SLCO2A1: variants seen among roughly 807,000 people sequenced by gnomAD.
The protein encoded by SLCO2A1 is solute carrier organic anion transporter family member 2A1.
Under a neutral mutation model 71.7 loss-of-function variants are expected in SLCO2A1, and 60 were observed. That is an observed-to-expected ratio of 0.84 (90% CI 0.68 to 1.04). The LOEUF (loss-of-function observed/expected upper bound fraction) is 1.04. Among genes scored for constraint, SLCO2A1 ranks in the 50% least tolerant of loss-of-function variants. SLCO2A1 has a pLI of 0.00. For synonymous variants in SLCO2A1, 308 were observed against 326.7 expected (o/e 0.94, Z 0.62); for missense variants, 745 against 813.4 (o/e 0.92, Z 1.02).
At chr3:133,987,197 C>T (rs1284324483) in intron 1 of SLCO2A1, among the ~76,000 whole-genome samples, 1 of 141,192 alleles carries the variant, frequency 7.1e-6, no homozygotes, top group East Asian at 2.4e-4. Flanking sequence ...TCCTCCTCAG[C>T]CAGAGTACTC....
chr3:133,996,418 G>A (rs529918734), intron 1 of SLCO2A1, among the ~76,000 whole-genome samples: 3 of 152,338 alleles, frequency 2.0e-5, no homozygotes, highest in South Asian at 4.1e-4. Flanking sequence ...AAGGTAGGAC[G>A]GACGTGCATG....
intron 13 of SLCO2A1, among the ~76,000 whole-genome samples, chr3:133,935,560 G>A (rs183813404): frequency 6.1e-4 from 93 of 152,270 alleles, no homozygotes; most frequent in Admixed American, 3.1e-3. Context: ...AAGGGCTTTC[G>A]GGTCATGGAA....
intron 1 of SLCO2A1, among the ~76,000 whole-genome samples, chr3:134,013,687 T>C (rs1016720136): frequency 2.6e-5 from 4 of 152,086 alleles, no homozygotes; most frequent in Non-Finnish European, 5.9e-5. Flanking sequence ...CACCTGGGAG[T>C]CCATATCTGG....
intron 1 of SLCO2A1, among the ~76,000 whole-genome samples, 169 bp downstream of exon 1, chr3:134,029,538 T>A (rs965503847): frequency 6.0e-5 from 9 of 149,198 alleles, no homozygotes; most frequent in Non-Finnish European, 1.2e-4. Flanking sequence ...ACACACACAC[T>A]CGCACACACA....
At chr3:133,956,943 T>C (rs1415848596) in intron 3 of SLCO2A1, among the ~76,000 whole-genome samples, 1 of 152,258 alleles carries the variant, frequency 6.6e-6, no homozygotes, top group Non-Finnish European at 1.5e-5. Context: ...TTGTCTGGAA[T>C]GAACACATTT....
intron 1 of SLCO2A1, among the ~76,000 whole-genome samples, chr3:133,981,231 T>A (rs1410545581): frequency 3.3e-5 from 5 of 152,094 alleles, no homozygotes; most frequent in African/African-American, 1.2e-4. Flanking sequence ...AAGGGTCCTG[T>A]CTCTGTCTAG....
chr3:133,989,158 C>T (rs1448115578), intron 1 of SLCO2A1, among the ~76,000 whole-genome samples: 1 of 152,182 alleles, frequency 6.6e-6, no homozygotes, highest in African/African-American at 2.4e-5. Flanking sequence ...CAAGCCAAAT[C>T]CTTCATCCAG....
Position 133,989,768 on chromosome 3 carries a change from T to G in SLCO2A1, c.97-10150A>C, listed in dbSNP as rs138332362. Among the ~76,000 whole-genome samples the G allele has an allele frequency of 3.9e-3, 599 of 152,342 alleles. 7 individuals carry two copies. The highest frequency in any genetic ancestry group is 0.014 in the African/African-American group (581 of 41,588). On this transcript the variant is annotated intron_variant, in intron 1 of 13. Transcript: ENST00000310926. ...ATGACATCCACACATCTCAAAATAA[T>G]ACACTTGTTCTGCAGTTTCTTGACT...
At chr3:133,960,114 C>T (rs955421406) in intron 3 of SLCO2A1, among the ~76,000 whole-genome samples, 17 of 144,880 alleles carry the variant, frequency 1.2e-4, no homozygotes, top group African/African-American at 2.7e-4. Context: ...AGCGAGACTC[C>T]GTCTCAAAAA....
chr3:133,987,740 G>T (rs1289519011), intron 1 of SLCO2A1, among the ~76,000 whole-genome samples: 1 of 152,188 alleles, frequency 6.6e-6, no homozygotes, highest in Non-Finnish European at 1.5e-5. Context: ...TATCCACTAG[G>T]ATGCAACTTC....
At chr3:134,025,350 T>A (rs917741502) in intron 1 of SLCO2A1, among the ~76,000 whole-genome samples, 1 of 152,134 alleles carries the variant, frequency 6.6e-6, no homozygotes, top group Non-Finnish European at 1.5e-5. Context: ...CAACCTGATG[T>A]GTGTTATGAC....
chr3:133,942,304 A>G (rs963692969), intron 11 of SLCO2A1: 1 of 250,718 alleles, frequency 4.0e-6, no homozygotes, highest in Non-Finnish European at 7.5e-6. Context: ...TAGGCTTGTG[A>G]TTTAACCTCC....
intron 3 of SLCO2A1, among the ~76,000 whole-genome samples, chr3:133,956,711 T>A (rs1049104861): frequency 6.6e-6 from 1 of 152,208 alleles, no homozygotes; most frequent in Non-Finnish European, 1.5e-5. Flanking sequence ...CTTTTAGAAT[T>A]GGGGTGAAAA....
At chr3:133,939,962 CT>C (rs752743899) in intron 11 of SLCO2A1, among the ~76,000 whole-genome samples, 27,562 of 106,184 alleles carry the variant, frequency 0.26, 2,651 homozygotes, top group Non-Finnish European at 0.31. Context: ...ACAAAGTCAT[CT>C]TTTTTTTTTT....
intron 3 of SLCO2A1, among the ~76,000 whole-genome samples, chr3:133,955,859 C>T (rs1262748202): frequency 6.6e-6 from 1 of 152,136 alleles, no homozygotes; most frequent in Non-Finnish European, 1.5e-5. Flanking sequence ...GCTTTAAGAC[C>T]CTCTCGTTCA....
rs1272619440 is a variant in SLCO2A1 at position 134,029,763 on chromosome 3, C to A, written c.40G>T (p.Asp14Tyr). The change falls in exon 1 of 14, where the codon GAC (aspartate) becomes TAC (tyrosine). Residue 14 changes from aspartate to tyrosine, a missense_variant. Asp to Tyr is a radical substitution (Grantham distance 160). Coordinates refer to ENST00000310926, the MANE Select transcript of SLCO2A1 (RefSeq NM_005630.3). Reference protein sequence around the residue: ...LPKLGASQGSDTSTSRAGRCA... With the variant: ...LPKLGASQGSYTSTSRAGRCA... Reference sequence around the variant, plus strand: ...CGGCCGGCTCGGCTAGTAGAGGTGTCGCTGCCCTGGGACGCGCCGAGCTTG... The same window carrying A: ...CGGCCGGCTCGGCTAGTAGAGGTGTAGCTGCCCTGGGACGCGCCGAGCTTG... 1.2e-5 allele frequency: 19 copies of A among 1,578,542 alleles called. No individual in the cohort carries two copies. Among genetic ancestry groups the A allele is most frequent in the Non-Finnish European group, 1.6e-5 (19 of 1,167,452 alleles).
intron 1 of SLCO2A1, among the ~76,000 whole-genome samples, chr3:133,992,376 G>A (rs1934873889): frequency 6.6e-6 from 1 of 152,216 alleles, no homozygotes; most frequent in African/African-American, 2.4e-5. Context: ...ACAAGAAAGG[G>A]AGGTAGAAAA....
rs150060477 is a variant in SLCO2A1, at chr3:134,023,462, T to G, written c.96+6245A>C. ...CTGTCCCTCCTGACTCTCCTCAGAC[T>G]GGGCATTAGTAAAGTAGGACCATTT... On this transcript the variant is annotated intron_variant, in intron 1 of 13. Transcript: ENST00000310926. Among the ~76,000 whole-genome samples the G allele has an allele frequency of 2.7e-3, 409 of 152,312 alleles. 7 individuals carry two copies. Among genetic ancestry groups the G allele is most frequent in the African/African-American group, 9.4e-3 (392 of 41,570 alleles).
At chr3:134,010,751 C>CAAAAAAAAAAAAAAAAA (rs57260052) in intron 1 of SLCO2A1, among the ~76,000 whole-genome samples, 1 of 70,898 alleles carries the variant, frequency 1.4e-5, no homozygotes, top group African/African-American at 5.0e-5. Context: ...AGACTCTGTC[C>CAAAAAAAAAAAAAAAAA]AAAAAAAAAA....
Sources: gnomAD v4.1 joint callset for allele counts (sites outside exome capture counted in the v4.1 genomes callset) on GRCh38, gnomAD v4.1.1 for gene constraint, MANE v1.5 for transcripts, NCBI Gene and HGNC (gene_info 2026-07-23, HGNC 2026-07-21) for gene names.